KMT2C: variants seen among roughly 807,000 people sequenced by gnomAD.
KMT2C encodes the protein histone-lysine N-methyltransferase 2C.
In KMT2C, 88 loss-of-function variants were observed where a neutral mutation model predicts 507.9. The ratio of observed to expected loss-of-function variants is 0.17; its 90% CI spans 0.15 to 0.21. KMT2C has a LOEUF of 0.21. Ranked by LOEUF, KMT2C falls within the 10% of genes least tolerant of loss-of-function variation. KMT2C has a pLI of 1.00. For missense variants in KMT2C, 4,954 were observed against 5,957.8 expected, an observed-to-expected ratio of 0.83 and a Z score of 5.55; for synonymous variants, 2,049 against 2,080.8, an observed-to-expected ratio of 0.98 and a Z score of 0.42.
intron 1 of KMT2C, among the ~76,000 whole-genome samples, chr7:152,376,433 C>G (rs1470379306): frequency 1.3e-5 from 2 of 152,202 alleles, no homozygotes; most frequent in African/African-American, 4.8e-5. Context: ...TTGTACCACT[C>G]AGCCAATTGT....
At chr7:152,245,973 T>C (rs2095466098) in intron 14 of KMT2C, among the ~76,000 whole-genome samples, 2 of 152,050 alleles carry the variant, frequency 1.3e-5, no homozygotes, top group Non-Finnish European at 2.9e-5. Flanking sequence ...GAAGAATATG[T>C]AGAAGAAACA....
rs1020384477 is a variant in KMT2C, at chr7:152,179,157, G to A, written c.7442+677C>T. 9.9e-5 allele frequency among the ~76,000 whole-genome samples: 15 copies of A among 152,188 alleles called. No homozygotes were observed. The South Asian group carries it at 2.5e-3, about 25-fold the overall frequency. On this transcript the variant is annotated intron_variant, in intron 37 of 58. Coordinates refer to ENST00000262189, the MANE Select transcript of KMT2C (RefSeq NM_170606.3). ...AGGTGCAGTGCCTGCCGCCATAGCC[G>A]GCCAATTTTTGTATTTTTACTAGAG...
At chr7:152,291,617 T>C (rs2096428768) in intron 6 of KMT2C, among the ~76,000 whole-genome samples, 1 of 152,288 alleles carries the variant, frequency 6.6e-6, no homozygotes, top group Non-Finnish European at 1.5e-5. Context: ...CTTGTAGTTG[T>C]TTCACATAGA....
At chr7:152,368,511 AAAG>A in intron 1 of KMT2C, 1 of 1,345,150 alleles carries the variant, frequency 7.4e-7, no homozygotes, top group Admixed American at 2.0e-5. Context: ...AGCTAATGAA[AAAG>A]AATTTGGAAG....
intron 7 of KMT2C, among the ~76,000 whole-genome samples, chr7:152,273,208 T>C (rs2129177394): frequency 6.6e-6 from 1 of 152,222 alleles, no homozygotes; most frequent in East Asian, 1.9e-4. Flanking sequence ...GATAGATGAA[T>C]CATGAAAAGG....
At chr7:152,203,827 T>C (rs2094216541) in intron 25 of KMT2C, among the ~76,000 whole-genome samples, 1 of 152,160 alleles carries the variant, frequency 6.6e-6, no homozygotes, top group East Asian at 1.9e-4. Context: ...TACAACAATC[T>C]TTTTAAAGGC....
At chr7:152,223,439 G>T (rs2129147255) in intron 20 of KMT2C, among the ~76,000 whole-genome samples, 1 of 152,086 alleles carries the variant, frequency 6.6e-6, no homozygotes, top group Middle Eastern at 3.4e-3. Context: ...ATAGATGAAG[G>T]CAATAATTCT....
At chr7:152,278,057 TA>T (rs2096119787) in intron 6 of KMT2C, among the ~76,000 whole-genome samples, 2 of 152,186 alleles carry the variant, frequency 1.3e-5, no homozygotes. Context: ...TGTTGAAATG[TA>T]ATCCCCAATG....
At chr7:152,166,639 C>A (rs2092740891) in intron 42 of KMT2C, among the ~76,000 whole-genome samples, 1 of 152,074 alleles carries the variant, frequency 6.6e-6, no homozygotes, top group African/African-American at 2.4e-5. Context: ...TCACATAAGA[C>A]ATACCAATGT....
rs369132325 is a variant in KMT2C at position 152,232,559 on chromosome 7, A to C, written c.2770-2238T>G. Among the ~76,000 whole-genome samples the C allele has an allele frequency of 4.6e-5, 7 of 152,178 alleles. No homozygotes were observed. The East Asian group carries it at 1.2e-3, about 25-fold the overall frequency. ...AAATAATATTGGCAATTTCATATGG[A>C]TCAACCTAATATATAAATATACCAA... On this transcript the variant is annotated intron_variant, in intron 16 of 58. Transcript: ENST00000262189.
chr7:152,273,555 G>T, intron 7 of KMT2C, 150 bp downstream of exon 7: 1 of 763,372 alleles, frequency 1.3e-6, no homozygotes, highest in Non-Finnish European at 1.8e-6. Context: ...TCCCTCCCCA[G>T]CGATCCCTGG....
chr7:152,256,489 G>T (rs1237264260), intron 9 of KMT2C, among the ~76,000 whole-genome samples: 1 of 152,088 alleles, frequency 6.6e-6, no homozygotes, highest in African/African-American at 2.4e-5. Flanking sequence ...TTGAGCCCAG[G>T]TCAAGGCTAC....
At chr7:152,174,057 G>T (rs1379995625) in intron 39 of KMT2C, 74 bp downstream of exon 39, 3 of 808,202 alleles carry the variant, frequency 3.7e-6, no homozygotes, top group Non-Finnish European at 6.1e-6. Flanking sequence ...TTTTCTGTAT[G>T]TTTTTTCTAA....
chr7:152,364,432 C>A (rs934516325), intron 1 of KMT2C, among the ~76,000 whole-genome samples: 2 of 151,696 alleles, frequency 1.3e-5, no homozygotes, highest in African/African-American at 4.8e-5. Context: ...ATGGTGAAAC[C>A]CCATCTCTAC....
At chr7:152,314,912 T>C (rs112493735) in intron 4 of KMT2C, among the ~76,000 whole-genome samples, 103 of 152,266 alleles carry the variant, frequency 6.8e-4, no homozygotes, top group African/African-American at 1.6e-3. Context: ...ACCGCTTTCA[T>C]ATACAATTAA....
chr7:152,424,164 G>C (rs2097796095), intron 1 of KMT2C, among the ~76,000 whole-genome samples: 2 of 151,888 alleles, frequency 1.3e-5, no homozygotes, highest in African/African-American at 2.4e-5. Context: ...GGCTGGGTGG[G>C]GTGCAGTTGC....
At chr7:152,324,568 T>G (rs1009880363) in intron 3 of KMT2C, among the ~76,000 whole-genome samples, 1 of 151,788 alleles carries the variant, frequency 6.6e-6, no homozygotes, top group Non-Finnish European at 1.5e-5. Flanking sequence ...GACAGCTGAA[T>G]AGAAAAAAAT....
In KMT2C at chr7:152,295,782, C is replaced by T. The variant is rs147309566; in HGVS notation, c.849+14184G>A. 2.5e-3 allele frequency among the ~76,000 whole-genome samples: 376 copies of T among 152,216 alleles called. 1 individual carries two copies. The highest frequency in any genetic ancestry group is 8.6e-3 in the African/African-American group (358 of 41,532). On this transcript the variant is annotated intron_variant, in intron 6 of 58. Transcript: ENST00000262189. ...CAGTTATTGGTTTAAGATATGAACG[C>T]TCGGCTGGGCGCAGTGGCTCACGCC...
intron 2 of KMT2C, 45 bp downstream of exon 2, chr7:152,358,542 G>T: frequency 1.7e-6 from 2 of 1,200,620 alleles, no homozygotes; most frequent in Non-Finnish European, 2.5e-6. Context: ...ACAAACATAT[G>T]CAAAGCATCA....
Sources: gnomAD v4.1 joint callset for allele counts (sites outside exome capture counted in the v4.1 genomes callset) on GRCh38, gnomAD v4.1.1 for gene constraint, MANE v1.5 for transcripts, NCBI Gene and HGNC (gene_info 2026-07-23, HGNC 2026-07-21) for gene names.